Variants in CLYBL observed in about 807,000 individuals in gnomAD.
The protein encoded by CLYBL is citramalyl-CoA lyase.
Under a neutral mutation model 38.9 loss-of-function variants are expected in CLYBL, and 31 were observed. The observed-to-expected ratio is 0.80, with a 90% CI of 0.60 to 1.08. The LOEUF (loss-of-function observed/expected upper bound fraction) is 1.08, where lower values mean the gene tolerates loss of function less well. Ranked by LOEUF, CLYBL falls within the 50% of genes least tolerant of loss-of-function variation. CLYBL has a pLI of 0.00. For missense variants in CLYBL, 434 were observed against 411.6 expected (o/e 1.05, Z -0.47); for synonymous variants, 171 against 158.6 (o/e 1.08, Z -0.59).
intron 2 of CLYBL, among the ~76,000 whole-genome samples, chr13:99,792,364 G>C (rs2049934757): frequency 6.6e-6 from 1 of 152,096 alleles, no homozygotes; most frequent in African/African-American, 2.4e-5. Flanking sequence ...TCTGGGGAGA[G>C]CTGGCCACCC....
At chr13:99,871,484 A>C (rs1209926066) in intron 7 of CLYBL, among the ~76,000 whole-genome samples, 1 of 152,078 alleles carries the variant, frequency 6.6e-6, no homozygotes. Flanking sequence ...ATTTGGGGGG[A>C]AAAAAGTACA....
intron 1 of CLYBL, among the ~76,000 whole-genome samples, chr13:99,730,026 C>T (rs2048558720): frequency 6.6e-6 from 1 of 152,132 alleles, no homozygotes; most frequent in Non-Finnish European, 1.5e-5. Flanking sequence ...CACCGTTGGT[C>T]CCACATCAGC....
intron 1 of CLYBL, among the ~76,000 whole-genome samples, chr13:99,763,548 CTTTT>C (rs59409196): frequency 1.7e-5 from 2 of 116,116 alleles, no homozygotes; most frequent in South Asian, 2.9e-4. Context: ...TCTTTTTATT[CTTTT>C]TTTTTTTTTT....
intron 1 of CLYBL, among the ~76,000 whole-genome samples, chr13:99,665,641 G>C (rs2047469877): frequency 6.6e-6 from 1 of 151,486 alleles, no homozygotes; most frequent in South Asian, 2.1e-4. Context: ...ATGAAAAGCA[G>C]TCTATTTGGA....
At position 99,666,578 on chromosome 13, in the gene CLYBL, G is replaced by A. The variant is rs185190355; in HGVS notation, c.62+59821G>A. Among the ~76,000 whole-genome samples the A allele has an allele frequency of 6.9e-4, 105 of 152,300 alleles. 1 individual carries two copies. Among genetic ancestry groups the A allele is most frequent in the African/African-American group, 2.3e-3 (96 of 41,548 alleles). On this transcript the variant is annotated intron_variant, in intron 1 of 8. Transcript: ENST00000339105. ...CTGAAATGCTTCAGTCATTTGGGGT[G>A]TAAGATGTTGGCCAGCTCCCGAATC...
At chr13:99,773,114 C>T (rs2049434932) in intron 2 of CLYBL, 104 bp downstream of exon 2, 1 of 928,018 alleles carries the variant, frequency 1.1e-6, no homozygotes, top group African/African-American at 1.7e-5. Context: ...CCACACTCAT[C>T]TTTTGCTGAT....
intron 7 of CLYBL, among the ~76,000 whole-genome samples, chr13:99,887,970 C>T (rs1194005247): frequency 6.6e-6 from 1 of 152,056 alleles, no homozygotes; most frequent in Non-Finnish European, 1.5e-5. Context: ...ATTCTCGTGC[C>T]TCAACCTCCC....
chr13:99,730,371 G>A (rs528338348), intron 1 of CLYBL, among the ~76,000 whole-genome samples: 3 of 152,342 alleles, frequency 2.0e-5, no homozygotes, highest in African/African-American at 7.2e-5. Flanking sequence ...GCACGCTCAT[G>A]GGGGCAGCCC....
At chr13:99,691,697 C>T (rs1193222935) in intron 1 of CLYBL, among the ~76,000 whole-genome samples, 2 of 152,148 alleles carry the variant, frequency 1.3e-5, no homozygotes, top group African/African-American at 2.4e-5. Flanking sequence ...AAGCTTGAAA[C>T]TTAGACTATA....
chr13:99,721,384 C>G (rs2048390101), intron 1 of CLYBL, among the ~76,000 whole-genome samples: 2 of 151,956 alleles, frequency 1.3e-5, no homozygotes, highest in Non-Finnish European at 1.5e-5. Context: ...AATTTACTTA[C>G]TATTTCAGTG....
chr13:99,609,295 G>A (rs537951028), intron 1 of CLYBL, among the ~76,000 whole-genome samples: 1 of 146,098 alleles, frequency 6.8e-6, no homozygotes, highest in African/African-American at 2.5e-5. Context: ...TCCTGCTCCA[G>A]CTTCCCGAGT....
chr13:99,678,911 A>C (rs2047692033), intron 1 of CLYBL, among the ~76,000 whole-genome samples: 1 of 152,162 alleles, frequency 6.6e-6, no homozygotes, highest in African/African-American at 2.4e-5. Context: ...TTTATTGAGG[A>C]CCTAGTATGT....
chr13:99,746,788 T>A (rs917289036), intron 1 of CLYBL, among the ~76,000 whole-genome samples: 1 of 152,182 alleles, frequency 6.6e-6, no homozygotes, highest in African/African-American at 2.4e-5. Context: ...AATGCTGGGA[T>A]TACACTTGGA....
Position 99,632,837 on chromosome 13 carries a change from A to G in CLYBL, c.62+26080A>G, listed in dbSNP as rs139565112. Among the ~76,000 whole-genome samples the G allele has an allele frequency of 6.6e-5, 10 of 152,362 alleles. No individual in the cohort carries two copies. The East Asian group carries it at 1.9e-3, about 29-fold the overall frequency. On this transcript the variant is annotated intron_variant, in intron 1 of 8. Coordinates refer to ENST00000339105, the MANE Select transcript of CLYBL (RefSeq NM_206808.5). ...AGAAGCCAAACTCAAGATGATAGAG[A>G]TGTTACAATTAATAGACAAGGACTT...
chr13:99,747,993 C>T (rs1027552918), intron 1 of CLYBL, among the ~76,000 whole-genome samples: 3 of 152,048 alleles, frequency 2.0e-5, no homozygotes, highest in South Asian at 2.1e-4. Context: ...AGTGCAGTGG[C>T]GTTAAATAGT....
intron 7 of CLYBL, among the ~76,000 whole-genome samples, chr13:99,875,980 G>A (rs2052028422): frequency 6.6e-6 from 1 of 151,400 alleles, no homozygotes; most frequent in Non-Finnish European, 1.5e-5. Flanking sequence ...AAGATTGGAT[G>A]GATTAACACA....
chr13:99,702,632 CAAAAAA>C, intron 1 of CLYBL, among the ~76,000 whole-genome samples: 1 of 68,412 alleles, frequency 1.5e-5, no homozygotes, highest in African/African-American at 4.9e-5. Flanking sequence ...AATTCCGTCT[CAAAAAA>C]AAAAAAAAAA....
At chr13:99,841,401 T>A (rs1594214942) in intron 2 of CLYBL, among the ~76,000 whole-genome samples, 2 of 152,122 alleles carry the variant, frequency 1.3e-5, no homozygotes, top group Admixed American at 6.5e-5. Flanking sequence ...ATACTTTTTT[T>A]TTTTATTTAT....
chr13:99,703,694 C>G (rs1405996191), intron 1 of CLYBL, among the ~76,000 whole-genome samples: 2 of 152,080 alleles, frequency 1.3e-5, no homozygotes, highest in Non-Finnish European at 2.9e-5. Flanking sequence ...TTATACATGT[C>G]CTTTACACAG....
Sources: allele counts gnomAD v4.1 joint callset (sites outside exome capture counted in the v4.1 genomes callset), GRCh38; gene constraint gnomAD v4.1.1; transcripts MANE v1.5; gene names NCBI Gene and HGNC (gene_info 2026-07-23, HGNC 2026-07-21).